The following ANKRD44 variants were observed in gnomAD, a reference collection of about 807,000 sequenced individuals.
The protein encoded by ANKRD44 is serine/threonine-protein phosphatase 6 regulatory ankyrin repeat subunit B.
A neutral mutation model predicts 116.0 loss-of-function variants in ANKRD44; 35 were observed. The observed-to-expected ratio is 0.30, with a 90% CI of 0.23 to 0.40. The LOEUF (loss-of-function observed/expected upper bound fraction) is 0.40. Ranked by LOEUF, ANKRD44 falls within the 10% of genes least tolerant of loss-of-function variation. The probability of loss-of-function intolerance (pLI) is 1.00; values close to 1 mark genes in which losing one functional copy is unlikely to be tolerated. For missense variants in ANKRD44, 1,014 were observed against 1,242.6 expected (o/e 0.82, Z 2.77); for synonymous variants, 435 against 461.8 (o/e 0.94, Z 0.74).
intron 21 of ANKRD44, among the ~76,000 whole-genome samples, chr2:197,005,479 G>A (rs1191520273): frequency 6.6e-6 from 1 of 152,178 alleles, no homozygotes; most frequent in African/African-American, 2.4e-5. Flanking sequence ...ACTAAAAGGG[G>A]AAAGTGAACT....
At chr2:197,070,493 G>A (rs1574398163) in intron 16 of ANKRD44, among the ~76,000 whole-genome samples, 1 of 152,092 alleles carries the variant, frequency 6.6e-6, no homozygotes, top group Non-Finnish European at 1.5e-5. Flanking sequence ...TTCTGCATTG[G>A]TTGATATAAA....
chr2:197,158,020 G>C (rs1055349698), intron 2 of ANKRD44, among the ~76,000 whole-genome samples: 30 of 152,154 alleles, frequency 2.0e-4, no homozygotes, highest in African/African-American at 7.0e-4. Context: ...AATATTTCTT[G>C]AGAGCCAGTG....
chr2:196,988,416 C>A lies in ANKRD44; in HGVS notation c.*1175G>T, dbSNP rs1393275811. The A allele has an allele frequency of 1.0e-6, 1 of 985,320 alleles. No homozygotes were observed. The highest frequency in any genetic ancestry group is 1.7e-5 in the African/African-American group (1 of 57,322). 61.0% of individuals were successfully genotyped at this position (985,320 alleles called of 1,614,324 possible). A position where few individuals can be genotyped will look rare whatever the true frequency, so the allele number is the denominator to read the frequency against. On this transcript the variant is annotated 3_prime_UTR_variant, in exon 28 of 28. Transcript: ENST00000282272. ...CGAAAAGGACAGAAGGTGGGAAGCA[C>A]AACACCAAGAATTCAAAAAAACAAT... is the stretch of plus-strand genomic sequence containing the variant.
chr2:197,270,961 TATATAC>T (rs2082881939), intron 1 of ANKRD44, among the ~76,000 whole-genome samples: 1 of 152,124 alleles, frequency 6.6e-6, no homozygotes, highest in Non-Finnish European at 1.5e-5. Context: ...GTCATACACA[TATATAC>T]ACACACCAGG....
chr2:197,181,228 AT>A (rs1247630582), intron 2 of ANKRD44, among the ~76,000 whole-genome samples: 1 of 152,042 alleles, frequency 6.6e-6, no homozygotes, highest in Non-Finnish European at 1.5e-5. Context: ...TACAAAAAAA[AT>A]TTTTTATAAA....
At chr2:197,255,845 CCTG>C (rs1442894956) in intron 1 of ANKRD44, among the ~76,000 whole-genome samples, 5 of 152,218 alleles carry the variant, frequency 3.3e-5, no homozygotes, top group Non-Finnish European at 7.3e-5. Context: ...CAGGAAGGAC[CCTG>C]CGCTTCATGT....
chr2:197,054,869 C>G (rs1310385155), intron 16 of ANKRD44, among the ~76,000 whole-genome samples: 1 of 152,118 alleles, frequency 6.6e-6, no homozygotes, highest in East Asian at 1.9e-4. Context: ...GAGATATGGT[C>G]CCAGGTGGCA....
chr2:196,978,678 TTAGA>T (rs774075844), intron 21 of ANKRD44, among the ~76,000 whole-genome samples: 3 of 152,206 alleles, frequency 2.0e-5, no homozygotes, highest in Non-Finnish European at 4.4e-5. Flanking sequence ...TATTCTGAAA[TTAGA>T]TAGTAGTGAT....
Position 197,087,147 on chromosome 2 carries a change from A to G in ANKRD44, c.1248-399T>C, listed in dbSNP as rs143514831. 2.5e-3 allele frequency among the ~76,000 whole-genome samples: 379 copies of G among 152,280 alleles called. 1 individual carries two copies. Among genetic ancestry groups the G allele is most frequent in the East Asian group, 0.016 (85 of 5,172 alleles). On this transcript the variant is annotated intron_variant, in intron 12 of 27. Transcript: ENST00000282272. ...ATGTCACCTTTAAACAATGAGCCAG[A>G]GTGGATGGGCGTTACCTTCTATCAC...
intron 3 of ANKRD44, among the ~76,000 whole-genome samples, chr2:197,144,102 C>T (rs1172095692): frequency 6.6e-5 from 10 of 152,332 alleles, no homozygotes; most frequent in African/African-American, 2.2e-4. Flanking sequence ...AAGCCAGACC[C>T]TGGACTGGCA....
intron 21 of ANKRD44, among the ~76,000 whole-genome samples, chr2:196,971,346 T>C (rs2075714592): frequency 6.6e-6 from 1 of 152,146 alleles, no homozygotes; most frequent in African/African-American, 2.4e-5. Context: ...TAACCACATT[T>C]ATTATTATTT....
rs1423826274 is a variant in ANKRD44, at chr2:196,975,557, G to A, written c.2369-8111C>T. Among the ~76,000 whole-genome samples the A allele has an allele frequency of 4.0e-5, 6 of 151,668 alleles. 1 individual carries two copies. The highest frequency in any genetic ancestry group is 3.9e-4 in the Admixed American group (6 of 15,246). On this transcript the variant is annotated intron_variant, in intron 21 of 21. Coordinates refer to the ANKRD44 transcript ENST00000424317. ...CCAGCACTTCGGGAGGCCGAGGTAGGTGGATCACGTGAGGCCAGGAGTTCA... is the reference window on the plus strand; with the variant it reads ...CCAGCACTTCGGGAGGCCGAGGTAGATGGATCACGTGAGGCCAGGAGTTCA...
chr2:197,011,248 A>T (rs2076294461), intron 18 of ANKRD44, among the ~76,000 whole-genome samples: 1 of 152,204 alleles, frequency 6.6e-6, no homozygotes, highest in Admixed American at 6.5e-5. Flanking sequence ...GCATATTTTG[A>T]CTGGTTCCTC....
At chr2:197,141,884 A>G (rs1161282314) in intron 3 of ANKRD44, among the ~76,000 whole-genome samples, 1 of 152,192 alleles carries the variant, frequency 6.6e-6, no homozygotes, top group Non-Finnish European at 1.5e-5. Flanking sequence ...GGGAGATGTC[A>G]GATGGTTTTG....
At chr2:197,022,067 G>A (rs1268338727) in intron 17 of ANKRD44, among the ~76,000 whole-genome samples, 1 of 152,214 alleles carries the variant, frequency 6.6e-6, no homozygotes, top group Non-Finnish European at 1.5e-5. Flanking sequence ...CTCAAGGCAG[G>A]TCAGGTTTCT....
chr2:197,160,444 C>T (rs565827061), intron 2 of ANKRD44, among the ~76,000 whole-genome samples: 1 of 152,238 alleles, frequency 6.6e-6, no homozygotes, highest in South Asian at 2.1e-4. Context: ...ATTTACTCTG[C>T]CCACAGCCAG....
intron 2 of ANKRD44, among the ~76,000 whole-genome samples, chr2:197,184,639 C>CAAA (rs3057744): frequency 6.5e-5 from 6 of 92,316 alleles, no homozygotes; most frequent in South Asian, 4.0e-4. Context: ...GACTCCATCT[C>CAAA]AAAAAAAAAA....
chr2:197,078,807 C>T lies in ANKRD44; in HGVS notation c.1546G>A (p.Glu516Lys). The T allele has an allele frequency of 1.9e-6, 3 of 1,612,738 alleles. No homozygotes were observed. The highest frequency in any genetic ancestry group is 2.5e-6 in the Non-Finnish European group (3 of 1,179,144). ...LKEKEATLCL[E>K]FLLQNDANPS... Reference sequence around the variant, plus strand: ...TTTGCATCATTTTGAAGCAGAAACTCTAGACATCTGTAAGTATAAAGATGA... The same window carrying T: ...TTTGCATCATTTTGAAGCAGAAACTTTAGACATCTGTAAGTATAAAGATGA... The change falls in exon 16 of 28, where the codon GAG (glutamate) becomes AAG (lysine). Residue 516 changes from glutamate to lysine, a missense_variant. Physicochemically the swap from Glu to Lys is moderately conservative, Grantham distance 56 (BLOSUM62 1). Transcript: ENST00000282272.
intron 2 of ANKRD44, among the ~76,000 whole-genome samples, chr2:197,166,273 T>C (rs1189024330): frequency 6.6e-6 from 1 of 152,206 alleles, no homozygotes; most frequent in Non-Finnish European, 1.5e-5. Flanking sequence ...GCTTATGCCT[T>C]TGGCCAAAAG....
Sources: gnomAD v4.1 joint callset for allele counts (sites outside exome capture counted in the v4.1 genomes callset) on GRCh38, gnomAD v4.1.1 for gene constraint, MANE v1.5 for transcripts, NCBI Gene and HGNC (gene_info 2026-07-23, HGNC 2026-07-21) for gene names.